ACOT7: variants seen among roughly 807,000 people sequenced by gnomAD.
The protein encoded by ACOT7 is cytosolic acyl coenzyme A thioester hydrolase.
ACOT7 carries 12 observed loss-of-function variants against 40.2 expected under a neutral mutation model. That is an observed-to-expected ratio of 0.30 (90% CI 0.19 to 0.48). The LOEUF (loss-of-function observed/expected upper bound fraction) is 0.48, where lower values mean the gene tolerates loss of function less well. ACOT7 is among the 20% of genes least tolerant of loss of function. ACOT7 has a pLI of 0.99. For synonymous variants in ACOT7, 228 were observed against 219.5 expected (o/e 1.04, Z -0.34); for missense variants, 395 against 530.8 (o/e 0.74, Z 2.51).
At chr1:6,322,975 C>T (rs997971701) in intron 5 of ACOT7, among the ~76,000 whole-genome samples, 3 of 151,782 alleles carry the variant, frequency 2.0e-5, no homozygotes, top group Non-Finnish European at 4.4e-5. Context: ...ATTAAAAATA[C>T]AAAAATTAGC....
chr1:6,305,725 G>A (rs1320152723), intron 6 of ACOT7, among the ~76,000 whole-genome samples: 1 of 148,948 alleles, frequency 6.7e-6, no homozygotes, highest in African/African-American at 2.5e-5. Flanking sequence ...AGGCAGAGAG[G>A]CTCCTCACAT....
intron 6 of ACOT7, 149 bp from the exon 7 acceptor site, chr1:6,295,129 C>T (rs1024820835): frequency 2.8e-5 from 13 of 461,462 alleles, no homozygotes; most frequent in Admixed American, 3.6e-5. Context: ...CTCGGCCGCA[C>T]GTGCTGTGGC....
intron 1 of ACOT7, among the ~76,000 whole-genome samples, chr1:6,362,892 A>T (rs994026595): frequency 1.3e-5 from 2 of 152,126 alleles, no homozygotes; most frequent in African/African-American, 4.8e-5. Flanking sequence ...TCTACCAAAA[A>T]TCCAAAAAAA....
intron 2 of ACOT7, among the ~76,000 whole-genome samples, chr1:6,340,317 CAG>C (rs1261618742): frequency 3.9e-5 from 6 of 152,208 alleles, no homozygotes; most frequent in African/African-American, 1.4e-4. Flanking sequence ...AGGAGCCCTG[CAG>C]AGTCCAGCCC....
rs1640774306 is a variant in ACOT7, at chr1:6,325,532, G to A, written c.625+1767C>T. Among the ~76,000 whole-genome samples the A allele has an allele frequency of 2.6e-5, 4 of 152,020 alleles. No homozygotes were observed. In the South Asian group the frequency reaches 8.3e-4, roughly 32 times the overall value. On this transcript the variant is annotated intron_variant, in intron 5 of 8. Transcript: ENST00000361521. ...GTTAAAAAGCAGACATGAAAAGAGA[G>A]GAAACCTACAGTGGTTTCCCCAACA... is the stretch of plus-strand genomic sequence containing the variant.
intron 1 of ACOT7, chr1:6,385,852 C>CT (rs1642431888): frequency 2.1e-6 from 3 of 1,404,836 alleles, no homozygotes; most frequent in Admixed American, 2.9e-5. Context: ...GCCTCCTCGG[C>CT]TTCCGGAACT....
chr1:6,376,229 C>T (rs1642229863), intron 1 of ACOT7, among the ~76,000 whole-genome samples: 1 of 151,672 alleles, frequency 6.6e-6, no homozygotes, highest in South Asian at 2.1e-4. Context: ...GCACTCCAGC[C>T]TGAGGAAAAA....
At chr1:6,324,223 C>G (rs1447401810) in intron 5 of ACOT7, among the ~76,000 whole-genome samples, 1 of 151,834 alleles carries the variant, frequency 6.6e-6, no homozygotes, top group Non-Finnish European at 1.5e-5. Flanking sequence ...AAACTGGAGT[C>G]AAAGATGCAG....
chr1:6,333,280 C>T (rs986436573), intron 4 of ACOT7, among the ~76,000 whole-genome samples, 197 bp downstream of exon 4: 6 of 152,258 alleles, frequency 3.9e-5, no homozygotes, highest in Admixed American at 1.3e-4. Context: ...GGAGGCAGGA[C>T]AGAAACTCCT....
chr1:6,293,815 T>G (rs1639737504), intron 7 of ACOT7, among the ~76,000 whole-genome samples: 1 of 152,232 alleles, frequency 6.6e-6, no homozygotes, highest in Non-Finnish European at 1.5e-5. Flanking sequence ...CTCTCAGTAA[T>G]TCCAGGGAGG....
At chr1:6,366,677 A>G (rs1346773822) in intron 1 of ACOT7, among the ~76,000 whole-genome samples, 1 of 148,878 alleles carries the variant, frequency 6.7e-6, no homozygotes, top group South Asian at 2.1e-4. Flanking sequence ...TTTTTTTGAG[A>G]CAGAGTCTCA....
At chr1:6,305,623 AGAT>A (rs1640124075) in intron 6 of ACOT7, among the ~76,000 whole-genome samples, 1 of 145,838 alleles carries the variant, frequency 6.9e-6, no homozygotes, top group Non-Finnish European at 1.5e-5. Flanking sequence ...CCCACATCTC[AGAT>A]GATGGGCGGC....
At chr1:6,295,188 T>C (rs1053860348) in intron 6 of ACOT7, 21 of 496,310 alleles carry the variant, frequency 4.2e-5, no homozygotes, top group East Asian at 3.7e-4. Context: ...AAAACGACCA[T>C]GGCTGATATG....
chr1:6,279,633 A>G (rs1439573813), intron 8 of ACOT7, among the ~76,000 whole-genome samples: 1 of 152,146 alleles, frequency 6.6e-6, no homozygotes, highest in Middle Eastern at 3.2e-3. Flanking sequence ...CTCCTCATCC[A>G]TCAAGTCCAG....
intron 6 of ACOT7, 121 bp from the exon 7 acceptor site, chr1:6,295,101 C>A: frequency 1.4e-6 from 1 of 706,914 alleles, no homozygotes; most frequent in Non-Finnish European, 2.4e-6. Flanking sequence ...GGGCCGCAGC[C>A]AGCAGGGGTG....
intron 4 of ACOT7, among the ~76,000 whole-genome samples, chr1:6,327,819 G>T (rs188875893): frequency 6.6e-6 from 1 of 152,058 alleles, no homozygotes. Context: ...TCTGTCCCAG[G>T]CTGAAGTGCA....
chr1:6,393,217 G>A, intron 1 of ACOT7, 40 bp downstream of exon 1: 1 of 1,256,812 alleles, frequency 8.0e-7, no homozygotes, highest in East Asian at 3.0e-5. Flanking sequence ...GGTGACCGGC[G>A]CGCCTGGCCG....
chr1:6,312,947 G>A (rs373372815), intron 6 of ACOT7, among the ~76,000 whole-genome samples: 4 of 152,136 alleles, frequency 2.6e-5, no homozygotes, highest in African/African-American at 4.8e-5. Context: ...GGCCTAGAGC[G>A]CAGAGATTGA....
At chr1:6,286,500 C>G (rs560794214) in intron 7 of ACOT7, among the ~76,000 whole-genome samples, 1 of 152,174 alleles carries the variant, frequency 6.6e-6, no homozygotes, top group African/African-American at 2.4e-5. Flanking sequence ...CGAAGCCATG[C>G]GGGAGGAGCC....
Sources: allele counts gnomAD v4.1 joint callset (sites outside exome capture counted in the v4.1 genomes callset), GRCh38; gene constraint gnomAD v4.1.1; transcripts MANE v1.5; gene names NCBI Gene and HGNC (gene_info 2026-07-23, HGNC 2026-07-21).